CTNND2: variants seen among roughly 807,000 people sequenced by gnomAD.
CTNND2 encodes the protein catenin delta 2.
Under a neutral mutation model 144.4 loss-of-function variants are expected in CTNND2, and 22 were observed. The ratio of observed to expected loss-of-function variants is 0.15; its 90% CI spans 0.11 to 0.22. The LOEUF (loss-of-function observed/expected upper bound fraction) is 0.22, where lower values mean the gene tolerates loss of function less well. CTNND2 is among the 10% of genes least tolerant of loss of function. The probability of loss-of-function intolerance (pLI) is 1.00; values close to 1 mark genes in which losing one functional copy is unlikely to be tolerated. For synonymous variants in CTNND2, 751 were observed against 695.6 expected, an observed-to-expected ratio of 1.08 and a Z score of -1.25; for missense variants, 1,353 against 1,618.8, an observed-to-expected ratio of 0.84 and a Z score of 2.82.
intron 1 of CTNND2, among the ~76,000 whole-genome samples, chr5:11,770,338 T>C (rs573183791): frequency 3.3e-5 from 5 of 150,976 alleles, no homozygotes; most frequent in Admixed American, 6.6e-5. Flanking sequence ...GTAAACAGAA[T>C]TAGAATATAT....
intron 5 of CTNND2, among the ~76,000 whole-genome samples, chr5:11,408,502 T>C (rs1025937171): frequency 3.3e-5 from 5 of 152,188 alleles, no homozygotes; most frequent in Admixed American, 2.0e-4. Flanking sequence ...TTTTGAATGG[T>C]ACTTTTATCA....
rs137932299 is a variant in CTNND2 at position 11,426,382 on chromosome 5, T to TC, written c.288-14314dup. On this transcript the variant is annotated intron_variant, in intron 3 of 21. Coordinates refer to ENST00000304623, the MANE Select transcript of CTNND2 (RefSeq NM_001332.4). The stretch of plus-strand genomic sequence containing the variant: ...CTGAGACCTGTGCAGTTGCACAGAG[T>TC]CCCACACTTAGAAGGCCCCATGCTT... Among the ~76,000 whole-genome samples the TC allele has an allele frequency of 3.6e-3, 547 of 152,120 alleles. 2 individuals are homozygous for TC. The highest frequency in any genetic ancestry group is 6.4e-3 in the Non-Finnish European group (436 of 67,998).
chr5:11,338,511 C>T (rs559020155), intron 9 of CTNND2, among the ~76,000 whole-genome samples: 9 of 152,284 alleles, frequency 5.9e-5, no homozygotes, highest in South Asian at 4.2e-4. Context: ...GAGCACAAAA[C>T]GGATTTCCAC....
At chr5:11,754,562 T>C (rs1788811778) in intron 1 of CTNND2, among the ~76,000 whole-genome samples, 1 of 151,792 alleles carries the variant, frequency 6.6e-6, no homozygotes, top group African/African-American at 2.4e-5. Flanking sequence ...GGTGTTGACA[T>C]CTTCCTCTAT....
chr5:11,795,971 T>C (rs961986419), intron 1 of CTNND2, among the ~76,000 whole-genome samples: 7 of 152,204 alleles, frequency 4.6e-5, no homozygotes, highest in Non-Finnish European at 5.9e-5. Flanking sequence ...TGTTTCCTTG[T>C]CTTTTCCAGC....
At chr5:11,273,015 T>C (rs1266194976) in intron 9 of CTNND2, among the ~76,000 whole-genome samples, 1 of 152,138 alleles carries the variant, frequency 6.6e-6, no homozygotes, top group East Asian at 1.9e-4. Flanking sequence ...CAAAAAATAA[T>C]CCCATTCTTA....
intron 1 of CTNND2, among the ~76,000 whole-genome samples, chr5:11,852,239 A>G (rs775642106): frequency 2.6e-5 from 4 of 152,206 alleles, no homozygotes; most frequent in Admixed American, 2.0e-4. Context: ...AAGTAAAGCC[A>G]TTCATTATAA....
At chr5:11,708,964 T>C (rs1420040695) in intron 2 of CTNND2, among the ~76,000 whole-genome samples, 3 of 152,176 alleles carry the variant, frequency 2.0e-5, no homozygotes. Context: ...GCCTTTGAGA[T>C]TCGCACAAAT....
intron 3 of CTNND2, among the ~76,000 whole-genome samples, chr5:11,522,576 G>C (rs1199420918): frequency 6.6e-6 from 1 of 152,156 alleles, no homozygotes; most frequent in Non-Finnish European, 1.5e-5. Context: ...TCACAATGAT[G>C]ATTTGCTATA....
intron 15 of CTNND2, among the ~76,000 whole-genome samples, chr5:11,091,032 TC>T (rs1355447802): frequency 6.6e-6 from 1 of 152,174 alleles, no homozygotes; most frequent in Non-Finnish European, 1.5e-5. Flanking sequence ...GCTGCTTTGA[TC>T]TGTGAGTGTA....
In CTNND2 at chr5:11,884,216, A is replaced by G. The variant is rs773573806; in HGVS notation, c.37+19601T>C. Reference sequence around the variant, plus strand: ...TTTGTCAATTTTGGCTTTTGTTGGCATTGCTTTTGGTGTTTTAGTCATGAA... The same window carrying G: ...TTTGTCAATTTTGGCTTTTGTTGGCGTTGCTTTTGGTGTTTTAGTCATGAA... On this transcript the variant is annotated intron_variant, in intron 1 of 21. Transcript: ENST00000304623. Among the ~76,000 whole-genome samples, 25 of 152,072 alleles carry G rather than the reference A, an allele frequency of 1.6e-4. 1 individual carries two copies. Among genetic ancestry groups the G allele is most frequent in the Admixed American group, 2.6e-4 (4 of 15,262 alleles).
intron 13 of CTNND2, among the ~76,000 whole-genome samples, chr5:11,113,204 G>C (rs1351702416): frequency 6.6e-6 from 1 of 152,132 alleles, no homozygotes; most frequent in Non-Finnish European, 1.5e-5. Context: ...CACAGTGAGG[G>C]TTAATAAGCT....
intron 2 of CTNND2, among the ~76,000 whole-genome samples, chr5:11,647,082 G>A (rs759629135): frequency 1.3e-5 from 2 of 152,054 alleles, no homozygotes; most frequent in South Asian, 2.1e-4. Flanking sequence ...CAGAGTACTC[G>A]GTCACCACTG....
chr5:11,061,651 ACTCT>A (rs1177427142), intron 16 of CTNND2, among the ~76,000 whole-genome samples: 1 of 150,778 alleles, frequency 6.6e-6, no homozygotes, highest in African/African-American at 2.4e-5. Flanking sequence ...TCCCCTTGTC[ACTCT>A]CTAAACCCTT....
intron 2 of CTNND2, among the ~76,000 whole-genome samples, chr5:11,610,474 T>C (rs1451680249): frequency 1.3e-5 from 2 of 152,096 alleles, no homozygotes; most frequent in African/African-American, 4.8e-5. Flanking sequence ...CCTAGAGAAG[T>C]GATGTGACTG....
At chr5:11,859,266 T>A (rs890486153) in intron 1 of CTNND2, among the ~76,000 whole-genome samples, 1 of 152,230 alleles carries the variant, frequency 6.6e-6, no homozygotes, top group Non-Finnish European at 1.5e-5. Context: ...CATTATGTGT[T>A]ATGCTTAACA....
chr5:11,190,104 C>G (rs1339879376), intron 11 of CTNND2, among the ~76,000 whole-genome samples: 1 of 152,204 alleles, frequency 6.6e-6, no homozygotes, highest in African/African-American at 2.4e-5. Flanking sequence ...GACTTGCCAT[C>G]AAAAGGTAGA....
intron 8 of CTNND2, among the ~76,000 whole-genome samples, chr5:11,350,465 G>C (rs1561261289): frequency 1.3e-5 from 2 of 151,928 alleles, no homozygotes; most frequent in African/African-American, 4.8e-5. Flanking sequence ...TGAAATCTAA[G>C]ATGAGAAACA....
chr5:11,243,689 G>T (rs183725158), intron 9 of CTNND2, among the ~76,000 whole-genome samples: 1 of 152,184 alleles, frequency 6.6e-6, no homozygotes, highest in Non-Finnish European at 1.5e-5. Flanking sequence ...TGGGCTATCT[G>T]AGTTGTTAAA....
Sources: gnomAD v4.1 joint callset for allele counts (sites outside exome capture counted in the v4.1 genomes callset) on GRCh38, gnomAD v4.1.1 for gene constraint, MANE v1.5 for transcripts, NCBI Gene and HGNC (gene_info 2026-07-23, HGNC 2026-07-21) for gene names.